SMOC2: variants seen among roughly 807,000 people sequenced by gnomAD.
SMOC2 encodes the protein SPARC related modular calcium binding 2.
Under a neutral mutation model 61.4 loss-of-function variants are expected in SMOC2, and 39 were observed. That is an observed-to-expected ratio of 0.64 (90% CI 0.49 to 0.83). The LOEUF (loss-of-function observed/expected upper bound fraction) is 0.83, where lower values mean the gene tolerates loss of function less well. Ranked by LOEUF, SMOC2 falls within the 40% of genes least tolerant of loss-of-function variation. The pLI is 0.00. For missense variants in SMOC2, 556 were observed against 592.9 expected, an observed-to-expected ratio of 0.94 and a Z score of 0.65; for synonymous variants, 247 against 239.9, an observed-to-expected ratio of 1.03 and a Z score of -0.27.
intron 4 of SMOC2, among the ~76,000 whole-genome samples, chr6:168,539,001 C>T (rs1783815602): frequency 6.6e-6 from 1 of 152,096 alleles, no homozygotes; most frequent in South Asian, 2.1e-4. Context: ...GCAGTCAACT[C>T]AGGAAAACCA....
intron 9 of SMOC2, among the ~76,000 whole-genome samples, chr6:168,633,096 C>T (rs6900700): frequency 0.031 from 4,686 of 152,284 alleles, 266 homozygotes; most frequent in African/African-American, 0.11. Context: ...TGTTTGAGGA[C>T]GTAGGGCTGA....
intron 9 of SMOC2, among the ~76,000 whole-genome samples, chr6:168,611,785 G>T (rs1344122168): frequency 2.0e-5 from 3 of 152,154 alleles, no homozygotes; most frequent in Admixed American, 6.5e-5. Flanking sequence ...AGCCTTGCTG[G>T]AATTCTTCCC....
intron 1 of SMOC2, among the ~76,000 whole-genome samples, chr6:168,492,904 G>C (rs1315125898): frequency 6.6e-6 from 1 of 152,216 alleles, no homozygotes; most frequent in East Asian, 1.9e-4. Context: ...AATGGAATCT[G>C]TTTCAGCATC....
At chr6:168,480,175 T>G (rs1782174669) in intron 1 of SMOC2, among the ~76,000 whole-genome samples, 1 of 152,092 alleles carries the variant, frequency 6.6e-6, no homozygotes, top group Non-Finnish European at 1.5e-5. Context: ...GTTATCACAG[T>G]ATTAAATTCA....
intron 7 of SMOC2, among the ~76,000 whole-genome samples, chr6:168,590,932 G>A (rs908544594): frequency 7.2e-5 from 11 of 151,990 alleles, no homozygotes; most frequent in African/African-American, 2.4e-4. Context: ...CTTTACAAAG[G>A]TAGCTTTCTA....
intron 9 of SMOC2, among the ~76,000 whole-genome samples, chr6:168,628,821 G>A (rs943111666): frequency 1.3e-5 from 2 of 152,196 alleles, no homozygotes; most frequent in East Asian, 1.9e-4. Context: ...GTGGTGCCCC[G>A]CCGGAGAATG....
rs201167854 is a variant in SMOC2 at position 168,476,484 on chromosome 6, G to A, written c.85-33431G>A. ...TTTTATCCTGTGTGTGTGTGTGTAT[G>A]TGTGTGTGTGTGTGTCTATGTATGG... On this transcript the variant is annotated intron_variant, in intron 1 of 12. Coordinates refer to ENST00000356284, the MANE Select transcript of SMOC2 (RefSeq NM_001166412.2). Among the ~76,000 whole-genome samples, 6 of 91,070 alleles carry A rather than the reference G, an allele frequency of 6.6e-5. No individual in the cohort carries two copies. In the South Asian group the frequency reaches 1.3e-3, roughly 20 times the overall value. 59.7% of individuals were successfully genotyped at this position (91,070 alleles called of 152,430 possible).
At position 168,635,559 on chromosome 6, in the gene SMOC2, A is replaced by C. The variant is rs117993585; in HGVS notation, c.908-15122A>C. On this transcript the variant is annotated intron_variant, in intron 9 of 12. Transcript: ENST00000356284. ...TCTGTCTAAAGGTCGCTTTGAAAGC[A>C]TAAATCTTGCTGAGTCAAAAGTTTA... 1.4e-4 allele frequency among the ~76,000 whole-genome samples: 22 copies of C among 152,308 alleles called. No homozygotes were observed. The East Asian group carries it at 4.2e-3, about 29-fold the overall frequency.
chr6:168,510,649 A>C (rs1045938847), intron 2 of SMOC2, among the ~76,000 whole-genome samples: 1 of 152,224 alleles, frequency 6.6e-6, no homozygotes, highest in African/African-American at 2.4e-5. Context: ...AAAAAAGACC[A>C]CAAAGACTAA....
rs1269287374 is a variant in SMOC2 at position 168,472,139 on chromosome 6, AT to A, written c.84+30689del. The stretch of plus-strand genomic sequence containing the variant: ...TCATTGCCAAAGCCAATGTCAAGAT[AT>A]TTTCCTCCATGTTTTCTTCTAGGAA... On this transcript the variant is annotated intron_variant, in intron 1 of 12. Coordinates refer to ENST00000356284, the MANE Select transcript of SMOC2 (RefSeq NM_001166412.2). Among the ~76,000 whole-genome samples the A allele has an allele frequency of 4.6e-5, 7 of 152,032 alleles. No homozygotes were observed. In the East Asian group the frequency reaches 1.4e-3, roughly 29 times the overall value.
chr6:168,583,351 C>A (rs114259418), intron 7 of SMOC2, among the ~76,000 whole-genome samples: 2 of 151,798 alleles, frequency 1.3e-5, no homozygotes, highest in East Asian at 1.9e-4. Context: ...CCTTTCCTCA[C>A]CCCTTCCCAG....
At chr6:168,525,023 G>T (rs1258437581) in intron 2 of SMOC2, among the ~76,000 whole-genome samples, 3 of 152,272 alleles carry the variant, frequency 2.0e-5, no homozygotes, top group East Asian at 1.9e-4. Context: ...GAAGACGGAA[G>T]TGAACAACAT....
rs745728349 is a variant in SMOC2 at position 168,664,164 on chromosome 6, A to T, written c.1323+53A>T. On this transcript the variant is annotated intron_variant, in intron 12 of 12. Coordinates refer to ENST00000356284, the MANE Select transcript of SMOC2 (RefSeq NM_001166412.2). ...CCATTTCGTTTTTAAATTATAAACA[A>T]TAAAAATTCAGAGTTATGTAGATTT... The T allele has an allele frequency of 2.3e-5, 33 of 1,412,012 alleles. 1 individual carries two copies. The Admixed American group carries it at 5.7e-4, about 24-fold the overall frequency. The allele number at this position is 1,412,012 out of a possible 1,614,324, so 87.5% of individuals were successfully genotyped here.
At chr6:168,578,440 C>T (rs1448118070) in intron 7 of SMOC2, among the ~76,000 whole-genome samples, 1 of 152,206 alleles carries the variant, frequency 6.6e-6, no homozygotes, top group Non-Finnish European at 1.5e-5. Flanking sequence ...CGGGGGCAGA[C>T]AGTCTCTGTC....
intron 1 of SMOC2, among the ~76,000 whole-genome samples, chr6:168,460,710 A>G (rs1404192082): frequency 6.6e-6 from 1 of 152,226 alleles, no homozygotes; most frequent in Middle Eastern, 3.2e-3. Flanking sequence ...CCACATTTTA[A>G]CATTGAAGTT....
intron 4 of SMOC2, among the ~76,000 whole-genome samples, chr6:168,540,267 C>T (rs1783849011): frequency 1.3e-5 from 2 of 152,208 alleles, no homozygotes; most frequent in African/African-American, 4.8e-5. Flanking sequence ...GGCTGCAGGC[C>T]ATTTGGTGCC....
At chr6:168,664,681 G>A (rs1341260196) in intron 12 of SMOC2, 7 of 470,144 alleles carry the variant, frequency 1.5e-5, no homozygotes. Flanking sequence ...CTCCTGCTGT[G>A]TGTTCACAAA....
chr6:168,538,238 G>A (rs1226877250), intron 4 of SMOC2, among the ~76,000 whole-genome samples: 4 of 146,020 alleles, frequency 2.7e-5, no homozygotes, highest in East Asian at 2.1e-4. Flanking sequence ...CTGGGGGAGC[G>A]GGGTGGCCCC....
At chr6:168,446,640 T>G (rs964303802) in intron 1 of SMOC2, among the ~76,000 whole-genome samples, 1 of 152,226 alleles carries the variant, frequency 6.6e-6, no homozygotes, top group Non-Finnish European at 1.5e-5. Flanking sequence ...ATTAATATTT[T>G]TGTTGATTCC....
Sources: allele counts gnomAD v4.1 joint callset (sites outside exome capture counted in the v4.1 genomes callset), GRCh38; gene constraint gnomAD v4.1.1; transcripts MANE v1.5; gene names NCBI Gene and HGNC (gene_info 2026-07-23, HGNC 2026-07-21).